The following ERG variants were observed in gnomAD, a reference collection of about 807,000 sequenced individuals.
The protein encoded by ERG is transcriptional regulator ERG.
ERG carries 9 observed loss-of-function variants against 55.3 expected under a neutral mutation model. That is an observed-to-expected ratio of 0.16 (90% confidence interval 0.10 to 0.28). The LOEUF is 0.28. Ranked by LOEUF, ERG falls within the 10% of genes least tolerant of loss-of-function variation. The pLI, the probability that ERG is intolerant of heterozygous loss-of-function variation, is 1.00. For missense variants in ERG, 434 were observed against 631.6 expected (o/e 0.69, Z 3.35); for synonymous variants, 223 against 237.3 (o/e 0.94, Z 0.55).
intron 2 of ERG, among the ~76,000 whole-genome samples, chr21:38,444,750 G>A (rs1389157870): frequency 6.6e-6 from 1 of 150,632 alleles, no homozygotes; most frequent in Non-Finnish European, 1.5e-5. Context: ...ACAAACAGCA[G>A]GCATTAAGAG....
At chr21:38,653,892 T>C (rs567500254) in intron 1 of ERG, among the ~76,000 whole-genome samples, 1 of 152,368 alleles carries the variant, frequency 6.6e-6, no homozygotes, top group South Asian at 2.1e-4. Context: ...TAATACAATG[T>C]AATGCTTAAT....
Position 38,380,753 on chromosome 21 carries a change from G to C in ERG, c.*2650C>G, listed in dbSNP as rs1288539895. ...ATAAGACTTGCTAATAACCTGGACTGGGGGTGGAGGGTTGAGGGATCTAAT... is the reference window on the plus strand; with the variant it reads ...ATAAGACTTGCTAATAACCTGGACTCGGGGTGGAGGGTTGAGGGATCTAAT... On this transcript the variant is annotated 3_prime_UTR_variant, in exon 10 of 10. Coordinates refer to ENST00000288319, the MANE Select transcript of ERG (RefSeq NM_182918.4). 3.8e-6 allele frequency: 4 copies of C among 1,064,684 alleles called. No homozygotes were observed. The highest frequency in any genetic ancestry group is 1.1e-4 in the Admixed American group (2 of 18,708). 66.0% of individuals were successfully genotyped at this position (1,064,684 alleles called of 1,614,324 possible).
At chr21:38,548,140 G>T (rs945430631) in intron 2 of ERG, among the ~76,000 whole-genome samples, 4 of 151,888 alleles carry the variant, frequency 2.6e-5, no homozygotes, top group Admixed American at 2.6e-4. Context: ...GATGCAAATT[G>T]TACCCCTGTG....
chr21:38,595,215 G>T (rs1358905300), intron 1 of ERG, among the ~76,000 whole-genome samples: 1 of 152,142 alleles, frequency 6.6e-6, no homozygotes, highest in Non-Finnish European at 1.5e-5. Flanking sequence ...TTCCCAAAGA[G>T]GCTGTTGGGA....
chr21:38,534,511 T>A (rs2836479), intron 2 of ERG, among the ~76,000 whole-genome samples: 58,037 of 151,890 alleles, frequency 0.38, 12,574 homozygotes, highest in Non-Finnish European at 0.49. Context: ...TAGAAAATAA[T>A]TTTTACACTT....
intron 1 of ERG, among the ~76,000 whole-genome samples, chr21:38,657,907 G>A (rs2060528968): frequency 2.0e-5 from 3 of 152,164 alleles, no homozygotes; most frequent in Admixed American, 6.5e-5. Context: ...GATTTTCAGA[G>A]TTTTCAAAAA....
chr21:38,610,518 C>T (rs900797220), intron 1 of ERG, among the ~76,000 whole-genome samples: 13 of 126,548 alleles, frequency 1.0e-4, no homozygotes, highest in Admixed American at 2.9e-4. Context: ...TCCACGTGCG[C>T]GCACGCGCGT....
chr21:38,607,426 A>T (rs988584629), intron 1 of ERG, among the ~76,000 whole-genome samples: 1 of 152,160 alleles, frequency 6.6e-6, no homozygotes, highest in East Asian at 1.9e-4. Context: ...AGGTCAGAAG[A>T]TCGAGACCAT....
At chr21:38,563,760 T>C (rs538294182) in intron 2 of ERG, among the ~76,000 whole-genome samples, 1 of 152,254 alleles carries the variant, frequency 6.6e-6, no homozygotes, top group Non-Finnish European at 1.5e-5. Flanking sequence ...CTTCAAGTAA[T>C]TTATAATCTA....
intron 1 of ERG, among the ~76,000 whole-genome samples, chr21:38,616,210 G>C (rs1372192652): frequency 2.0e-5 from 3 of 152,066 alleles, no homozygotes; most frequent in African/African-American, 7.2e-5. Flanking sequence ...TAAGTTTCCT[G>C]AGGCCTCCCC....
At chr21:38,424,178 AGAGCTC>A (rs55905967) in intron 2 of ERG, among the ~76,000 whole-genome samples, 2,025 of 44,696 alleles carry the variant, frequency 0.045, 46 homozygotes, top group Non-Finnish European at 0.049. Context: ...GAAAGAGACC[AGAGCTC>A]GAGCTCTCTC....
At chr21:38,372,240 A>G in the ERG span, among the ~76,000 whole-genome samples, 3 of 151,994 alleles carry the variant, frequency 2.0e-5, no homozygotes, top group Admixed American at 6.6e-5. Context: ...TACTCTCACT[A>G]AAGACAAGAT....
Position 38,525,821 on chromosome 21 carries a change from G to A in ERG, c.-41+49841C>T, listed in dbSNP as rs148905926. On this transcript the variant is annotated intron_variant, in intron 2 of 8. Coordinates refer to the ERG transcript ENST00000398897. ...CAGTCCTTCTACCAACCACACCTTCGGTGGAGATGTGGGTCTGTGGAAATG... is the reference window on the plus strand; with the variant it reads ...CAGTCCTTCTACCAACCACACCTTCAGTGGAGATGTGGGTCTGTGGAAATG... Among the ~76,000 whole-genome samples the A allele has an allele frequency of 2.0e-3, 302 of 152,322 alleles. 1 individual carries two copies. The highest frequency in any genetic ancestry group is 5.6e-3 in the African/African-American group (233 of 41,560).
intron 2 of ERG, among the ~76,000 whole-genome samples, chr21:38,520,097 G>A (rs922805811): frequency 6.6e-6 from 1 of 152,082 alleles, no homozygotes; most frequent in Non-Finnish European, 1.5e-5. Flanking sequence ...AACTTTTCAC[G>A]TGTGAAATAC....
intron 1 of ERG, among the ~76,000 whole-genome samples, chr21:38,583,083 C>A (rs2060039797): frequency 6.6e-6 from 1 of 152,196 alleles, no homozygotes; most frequent in Admixed American, 6.5e-5. Flanking sequence ...TGGCTCTAAG[C>A]AATTTAGTAT....
At chr21:38,413,108 C>A (rs1009288816) in intron 3 of ERG, among the ~76,000 whole-genome samples, 4 of 152,170 alleles carry the variant, frequency 2.6e-5, no homozygotes, top group African/African-American at 9.7e-5. Context: ...CCCTAGTTGA[C>A]CTTTAAAACC....
chr21:38,653,729 G>T (rs529225165), intron 1 of ERG, among the ~76,000 whole-genome samples: 1 of 152,264 alleles, frequency 6.6e-6, no homozygotes, highest in East Asian at 1.9e-4. Context: ...GCAGTTGTTC[G>T]TCTAATCTCT....
At chr21:38,424,181 GCTCGAGCTCT>G (rs765330990) in intron 2 of ERG, among the ~76,000 whole-genome samples, 14,272 of 87,936 alleles carry the variant, frequency 0.16, 900 homozygotes, top group Non-Finnish European at 0.19. Flanking sequence ...AGAGACCAGA[GCTCGAGCTCT>G]CTCTCTCTCT....
At chr21:38,539,387 AT>A (rs2059734833) in intron 2 of ERG, among the ~76,000 whole-genome samples, 1 of 152,262 alleles carries the variant, frequency 6.6e-6, no homozygotes, top group African/African-American at 2.4e-5. Flanking sequence ...TATTAAAAAG[AT>A]TCCATTTTGG....
Sources: allele counts gnomAD v4.1 joint callset (sites outside exome capture counted in the v4.1 genomes callset), GRCh38; gene constraint gnomAD v4.1.1; transcripts MANE v1.5; gene names NCBI Gene and HGNC (gene_info 2026-07-23, HGNC 2026-07-21).